ME3: variants seen among roughly 807,000 people sequenced by gnomAD.
The protein encoded by ME3 is malic enzyme 3.
In ME3, 48 loss-of-function variants were observed where a neutral mutation model predicts 68.9. That is an observed-to-expected ratio of 0.70 (90% CI 0.55 to 0.89). The LOEUF (loss-of-function observed/expected upper bound fraction) is 0.89, where lower values mean the gene tolerates loss of function less well. ME3 is among the 40% of genes least tolerant of loss of function. The pLI is 0.00. For missense variants in ME3, 675 were observed against 797.4 expected (o/e 0.85, Z 1.85); for synonymous variants, 320 against 318.8 (o/e 1.00, Z -0.04).
At chr11:86,556,489 GGAAA>G in intron 4 of ME3, 60 bp downstream of exon 4, 1 of 1,543,194 alleles carries the variant, frequency 6.5e-7, no homozygotes, top group Non-Finnish European at 8.8e-7. Context: ...CATGAAGGGC[GGAAA>G]GAATTTATTC....
intron 4 of ME3, among the ~76,000 whole-genome samples, chr11:86,526,096 G>C (rs764040083): frequency 6.6e-6 from 1 of 152,204 alleles, no homozygotes; most frequent in East Asian, 1.9e-4. Flanking sequence ...AAGCACAAGG[G>C]GTCAGGGAGT....
In ME3 at chr11:86,536,613, C is replaced by A. The variant is rs1206207362; in HGVS notation, c.467+19940G>T. 7.2e-3 allele frequency among the ~76,000 whole-genome samples: 1,020 copies of A among 142,528 alleles called. 5 individuals are homozygous for A. Among genetic ancestry groups the A allele is most frequent in the African/African-American group, 0.025 (926 of 37,324 alleles). 93.5% of individuals were successfully genotyped at this position (142,528 alleles called of 152,430 possible). On this transcript the variant is annotated intron_variant, in intron 4 of 14. Coordinates refer to ENST00000543262, the Ensembl canonical transcript of ME3. ...ACCATCTCACACCAGTTAGAATGGCCATCATTAAAAAGTCAGGAAACAACA... is the reference window on the plus strand; with the variant it reads ...ACCATCTCACACCAGTTAGAATGGCAATCATTAAAAAGTCAGGAAACAACA...
At chr11:86,654,026 C>T (rs1945672333) in intron 2 of ME3, among the ~76,000 whole-genome samples, 1 of 152,126 alleles carries the variant, frequency 6.6e-6, no homozygotes, top group Non-Finnish European at 1.5e-5. Flanking sequence ...GACACATACA[C>T]CCTCCCAAGA....
chr11:86,672,130 C>A, intron 1 of ME3, 172 bp from the exon 2 acceptor site: 1 of 543,052 alleles, frequency 1.8e-6, no homozygotes, highest in Non-Finnish European at 2.9e-6. Context: ...CTGCTCGGCT[C>A]CGCGCGGGGC....
intron 4 of ME3, among the ~76,000 whole-genome samples, chr11:86,541,315 A>G (rs1277683283): frequency 2.0e-5 from 3 of 152,136 alleles, no homozygotes; most frequent in Non-Finnish European, 4.4e-5. Context: ...CTTGCCTGGA[A>G]AGGGGGCTGA....
At chr11:86,631,418 A>G (rs10219173) in intron 2 of ME3, among the ~76,000 whole-genome samples, 32,338 of 152,150 alleles carry the variant, frequency 0.21, 3,693 homozygotes, top group East Asian at 0.39. Context: ...CCTGTAACTT[A>G]TAGGCAGTGA....
chr11:86,561,316 TCCAAGGATCC>T (rs1290767233), intron 2 of ME3, among the ~76,000 whole-genome samples: 1 of 152,162 alleles, frequency 6.6e-6, no homozygotes, highest in Admixed American at 6.5e-5. Context: ...AAGCCATTTC[TCCAAGGATCC>T]CCAATTCCTT....
intron 4 of ME3, among the ~76,000 whole-genome samples, chr11:86,516,715 T>C (rs1300227061): frequency 6.6e-6 from 1 of 152,196 alleles, no homozygotes; most frequent in African/African-American, 2.4e-5. Flanking sequence ...AAAATTATAT[T>C]GTATGTGTAC....
chr11:86,534,557 C>T (rs1051438137), intron 4 of ME3, among the ~76,000 whole-genome samples: 1 of 152,016 alleles, frequency 6.6e-6, no homozygotes, highest in Non-Finnish European at 1.5e-5. Flanking sequence ...TGCCTGTAAT[C>T]CCAGCTACTC....
intron 8 of ME3, among the ~76,000 whole-genome samples, chr11:86,460,255 G>A (rs573460112): frequency 6.6e-6 from 1 of 152,346 alleles, no homozygotes; most frequent in African/African-American, 2.4e-5. Context: ...GCTTTATGTG[G>A]GTCTGAGCTG....
chr11:86,588,057 G>A (rs1464202309), intron 2 of ME3, among the ~76,000 whole-genome samples: 1 of 152,216 alleles, frequency 6.6e-6, no homozygotes, highest in Non-Finnish European at 1.5e-5. Flanking sequence ...AAAGTCCTTT[G>A]TGTATTTATG....
At chr11:86,587,786 A>G (rs1412192362) in intron 2 of ME3, among the ~76,000 whole-genome samples, 6 of 152,264 alleles carry the variant, frequency 3.9e-5, no homozygotes, top group Non-Finnish European at 8.8e-5. Flanking sequence ...ATTTAAAAAG[A>G]TAACAGAACA....
chr11:86,464,995 T>G, intron 8 of ME3, 96 bp downstream of exon 8: 2 of 957,630 alleles, frequency 2.1e-6, no homozygotes, highest in East Asian at 4.9e-5. Context: ...AAACCAACTA[T>G]GGGGTGACAG....
At chr11:86,598,783 C>T (rs561585803) in intron 2 of ME3, among the ~76,000 whole-genome samples, 11 of 152,254 alleles carry the variant, frequency 7.2e-5, no homozygotes, top group Middle Eastern at 3.4e-3. Context: ...CAGCAGCATT[C>T]GCGGATCACG....
At chr11:86,474,655 C>T (rs934354238) in intron 7 of ME3, among the ~76,000 whole-genome samples, 4 of 152,200 alleles carry the variant, frequency 2.6e-5, no homozygotes, top group African/African-American at 7.2e-5. Flanking sequence ...CAGGTGTCCT[C>T]CATGAAGGTT....
chr11:86,559,791 C>A (rs375366165), exon 3 of ME3: 1 of 1,614,084 alleles, frequency 6.2e-7, no homozygotes, highest in South Asian at 1.1e-5. Context: ...GGATTCCAAG[C>A]TGCAGCCTTT....
intron 4 of ME3, among the ~76,000 whole-genome samples, chr11:86,531,513 G>A (rs1023042977): frequency 2.6e-5 from 4 of 152,188 alleles, no homozygotes; most frequent in Admixed American, 1.3e-4. Flanking sequence ...ATACCCAAAG[G>A]ATTATAAATC....
intron 8 of ME3, among the ~76,000 whole-genome samples, chr11:86,463,427 G>A (rs527887261): frequency 1.6e-4 from 25 of 152,214 alleles, no homozygotes; most frequent in Non-Finnish European, 2.8e-4. Context: ...ACAATGAGGT[G>A]AGTGAGGGCA....
chr11:86,565,521 A>G (rs1379612150), intron 2 of ME3, among the ~76,000 whole-genome samples: 2 of 152,250 alleles, frequency 1.3e-5, no homozygotes, highest in African/African-American at 2.4e-5. Context: ...ATGTATATAC[A>G]TGCAATGAAA....
Sources: gnomAD v4.1 joint callset for allele counts (sites outside exome capture counted in the v4.1 genomes callset) on GRCh38, gnomAD v4.1.1 for gene constraint, MANE v1.5 for transcripts, NCBI Gene and HGNC (gene_info 2026-07-23, HGNC 2026-07-21) for gene names.